The following SCARA5 variants were observed in gnomAD, a reference collection of about 807,000 sequenced individuals.
SCARA5 encodes the protein scavenger receptor class A member 5, also known as scavenger receptor class A, member 5 (putative).
In SCARA5, 45 loss-of-function variants were observed where a neutral mutation model predicts 46.3. The ratio of observed to expected loss-of-function variants is 0.97; its 90% confidence interval spans 0.76 to 1.24. The LOEUF is 1.24. SCARA5 is among the 50% of genes most tolerant of loss of function. The probability of loss-of-function intolerance (pLI) is 0.00; values close to 1 mark genes in which losing one functional copy is unlikely to be tolerated. For synonymous variants in SCARA5, 333 were observed against 306.5 expected (o/e 1.09, Z -0.90); for missense variants, 680 against 689.0 (o/e 0.99, Z 0.15).
chr8:27,976,076 G>C (rs1808519118), intron 2 of SCARA5, among the ~76,000 whole-genome samples: 1 of 151,894 alleles, frequency 6.6e-6, no homozygotes, highest in African/African-American at 2.4e-5. Context: ...GTGTGTGCTT[G>C]TTTTTGGGAA....
chr8:27,976,909 C>T (rs2129964085), intron 2 of SCARA5, among the ~76,000 whole-genome samples: 1 of 152,352 alleles, frequency 6.6e-6, no homozygotes, highest in South Asian at 2.1e-4. Flanking sequence ...TGCCCTGAGG[C>T]CACCCAGCAG....
At chr8:27,938,660 G>A (rs1807894130) in intron 3 of SCARA5, among the ~76,000 whole-genome samples, 1 of 152,178 alleles carries the variant, frequency 6.6e-6, no homozygotes, top group Non-Finnish European at 1.5e-5. Context: ...AGTACACGGA[G>A]AGAGATGGGC....
In SCARA5 at chr8:27,871,570, T is replaced by C; in HGVS notation, c.*364A>G. 1 of 1,105,044 alleles carries C rather than the reference T, an allele frequency of 9.0e-7. No individual in the cohort carries two copies. Among genetic ancestry groups the C allele is most frequent in the Non-Finnish European group, 1.1e-6 (1 of 902,788 alleles). 68.5% of individuals were successfully genotyped at this position (1,105,044 alleles called of 1,614,324 possible). A position where few individuals can be genotyped will look rare whatever the true frequency, so the allele number is the denominator to read the frequency against. Reference sequence around the variant, plus strand: ...CTACCAACCATCGCTGCTGCTGCACTTGTCTCTGACACATTCTCAGCATTC... The same window carrying C: ...CTACCAACCATCGCTGCTGCTGCACCTGTCTCTGACACATTCTCAGCATTC... On this transcript the variant is annotated 3_prime_UTR_variant, in exon 9 of 9. Coordinates refer to ENST00000354914, the MANE Select transcript of SCARA5 (RefSeq NM_173833.6).
chr8:27,918,325 G>A (rs1051048902), intron 4 of SCARA5, among the ~76,000 whole-genome samples: 1 of 152,016 alleles, frequency 6.6e-6, no homozygotes, highest in African/African-American at 2.4e-5. Flanking sequence ...ATTCTCCTCA[G>A]GTCCCATTTT....
chr8:27,897,091 C>CA (rs56013516), intron 7 of SCARA5, among the ~76,000 whole-genome samples: 115,284 of 148,162 alleles, frequency 0.78, 47,394 homozygotes, highest in Non-Finnish European at 0.92. Context: ...GACTCGGTCT[C>CA]AAAAAAAAAA....
chr8:27,877,029 C>T (rs552357188), intron 8 of SCARA5, among the ~76,000 whole-genome samples: 50 of 152,314 alleles, frequency 3.3e-4, no homozygotes, highest in Non-Finnish European at 5.6e-4. Context: ...TAGAATCCTC[C>T]TCTACATTGC....
intron 7 of SCARA5, among the ~76,000 whole-genome samples, chr8:27,891,460 TC>T (rs1462083322): frequency 1.2e-4 from 19 of 152,302 alleles, no homozygotes; most frequent in African/African-American, 3.6e-4. Flanking sequence ...CGCTTCGGCC[TC>T]CCAAAGTGCT....
chr8:27,967,858 A>G (rs1289743736), intron 2 of SCARA5, among the ~76,000 whole-genome samples: 1 of 152,210 alleles, frequency 6.6e-6, no homozygotes, highest in Non-Finnish European at 1.5e-5. Context: ...GGTTGCAGTG[A>G]GCTGAGATCA....
intron 2 of SCARA5, among the ~76,000 whole-genome samples, chr8:27,974,728 G>A (rs1808497802): frequency 6.6e-6 from 1 of 151,912 alleles, no homozygotes; most frequent in Admixed American, 6.6e-5. Flanking sequence ...ACCACTCTCT[G>A]GCTTTCATGG....
intron 3 of SCARA5, among the ~76,000 whole-genome samples, chr8:27,952,143 C>T (rs374777759): frequency 3.3e-5 from 5 of 151,530 alleles, no homozygotes; most frequent in Non-Finnish European, 5.9e-5. Context: ...TCGATGGGAG[C>T]GCAGATTTTA....
chr8:27,951,787 T>C (rs373582850), intron 3 of SCARA5, among the ~76,000 whole-genome samples: 1 of 152,158 alleles, frequency 6.6e-6, no homozygotes, highest in African/African-American at 2.4e-5. Flanking sequence ...CCCTTCTTCC[T>C]TTCAACATTT....
chr8:27,989,513 G>C (rs1298719926), intron 1 of SCARA5, among the ~76,000 whole-genome samples: 1 of 152,186 alleles, frequency 6.6e-6, no homozygotes, highest in Non-Finnish European at 1.5e-5. Context: ...ACCAGTCACT[G>C]TATACATGTC....
intron 2 of SCARA5, among the ~76,000 whole-genome samples, chr8:27,975,398 G>T (rs912405512): frequency 6.6e-6 from 1 of 152,154 alleles, no homozygotes. Flanking sequence ...AAGCACTCTA[G>T]CAAATTAATC....
At position 27,970,092 on chromosome 8, in the gene SCARA5, G is replaced by A. The variant is rs551315128; in HGVS notation, c.113-3550C>T. On this transcript the variant is annotated intron_variant, in intron 2 of 8. Coordinates refer to ENST00000354914, the MANE Select transcript of SCARA5 (RefSeq NM_173833.6). ...ACCAAAGACATGCAGCATCCTTCTG[G>A]CTCACCCTTTCTCTCTTGGAACCTT... Among the ~76,000 whole-genome samples the A allele has an allele frequency of 4.6e-5, 7 of 152,186 alleles. No individual in the cohort carries two copies. In the South Asian group the frequency reaches 6.3e-4, roughly 14 times the overall value.
At chr8:27,929,719 A>G (rs925232061) in intron 3 of SCARA5, among the ~76,000 whole-genome samples, 1 of 152,222 alleles carries the variant, frequency 6.6e-6, no homozygotes, top group Non-Finnish European at 1.5e-5. Flanking sequence ...GCAAACTCCA[A>G]GCAGGCGGAG....
intron 3 of SCARA5, among the ~76,000 whole-genome samples, chr8:27,932,552 CT>C (rs1659386293): frequency 6.6e-6 from 1 of 152,136 alleles, no homozygotes; most frequent in Non-Finnish European, 1.5e-5. Context: ...CTCCTGAGGC[CT>C]CTCCTCCTGG....
At position 27,884,041 on chromosome 8, in the gene SCARA5, G is replaced by A. The variant is rs561401384; in HGVS notation, c.1154-4275C>T. ...GAACTCAGAACTGGCCACATGCCTGGGCCAAGAAAACCCCAGAAAATTCTG... is the reference window on the plus strand; with the variant it reads ...GAACTCAGAACTGGCCACATGCCTGAGCCAAGAAAACCCCAGAAAATTCTG... On this transcript the variant is annotated intron_variant, in intron 7 of 8. Transcript: ENST00000354914. Among the ~76,000 whole-genome samples, 286 of 152,204 alleles carry A rather than the reference G, an allele frequency of 1.9e-3. 3 individuals carry two copies. The highest frequency in any genetic ancestry group is 6.7e-3 in the African/African-American group (278 of 41,524).
Position 27,922,157 on chromosome 8 carries a change from C to T in SCARA5, c.330G>A (p.Leu110=). ...CTTGCAGCGGAGCCTGCAGCAGCCGCAGCTGCAAGTCCCGGAAGCTCTCAT... is the reference window on the plus strand; with the variant it reads ...CTTGCAGCGGAGCCTGCAGCAGCCGTAGCTGCAAGTCCCGGAAGCTCTCAT... ...RLNESFRDLQ[L]RLLQAPLQAD... The change falls in exon 4 of 9, where the codon CTG becomes CTA. Residue 110 remains leucine, a synonymous_variant. Coordinates refer to ENST00000354914, the MANE Select transcript of SCARA5 (RefSeq NM_173833.6). 1.2e-6 allele frequency: 2 copies of T among 1,608,266 alleles called. No individual in the cohort carries two copies. Among genetic ancestry groups the T allele is most frequent in the Non-Finnish European group, 1.7e-6 (2 of 1,178,090 alleles).
intron 3 of SCARA5, among the ~76,000 whole-genome samples, chr8:27,954,434 T>G (rs1237109952): frequency 6.6e-6 from 1 of 152,226 alleles, no homozygotes; most frequent in African/African-American, 2.4e-5. Context: ...CTTTGTAATA[T>G]ATGTTTGTTT....
Sources: allele counts gnomAD v4.1 joint callset (sites outside exome capture counted in the v4.1 genomes callset), GRCh38; gene constraint gnomAD v4.1.1; transcripts MANE v1.5; gene names NCBI Gene and HGNC (gene_info 2026-07-23, HGNC 2026-07-21).